Variants in TRIM9 observed in about 807,000 individuals in gnomAD.
The protein encoded by TRIM9 is E3 ubiquitin-protein ligase TRIM9.
A neutral mutation model predicts 78.3 loss-of-function variants in TRIM9; 26 were observed. The observed-to-expected ratio is 0.33, with a 90% CI of 0.24 to 0.46. The LOEUF (loss-of-function observed/expected upper bound fraction) is 0.46. TRIM9 is among the 20% of genes least tolerant of loss of function. TRIM9 has a pLI of 1.00. For missense variants in TRIM9, 787 were observed against 1,036.4 expected (o/e 0.76, Z 3.30); for synonymous variants, 398 against 416.5 (o/e 0.96, Z 0.54).
At chr14:50,982,689 A>G (rs754265334) in intron 10 of TRIM9, 10 of 492,268 alleles carry the variant, frequency 2.0e-5, no homozygotes, top group African/African-American at 9.6e-5. Flanking sequence ...TGCTGTCTGC[A>G]TAACTTAAAA....
At chr14:51,092,722 C>A (rs2064483561) in intron 1 of TRIM9, among the ~76,000 whole-genome samples, 1 of 152,154 alleles carries the variant, frequency 6.6e-6, no homozygotes, top group African/African-American at 2.4e-5. Flanking sequence ...GCAGTGTGGG[C>A]ATATTATAAG....
chr14:51,076,051 T>C (rs2062754705), intron 1 of TRIM9, among the ~76,000 whole-genome samples: 1 of 152,214 alleles, frequency 6.6e-6, no homozygotes, highest in Non-Finnish European at 1.5e-5. Flanking sequence ...ATAAAAGATA[T>C]TGTTATTAAA....
chr14:51,013,561 TAAAAAG>T (rs2056828757), intron 3 of TRIM9, among the ~76,000 whole-genome samples: 2 of 152,206 alleles, frequency 1.3e-5, no homozygotes, highest in African/African-American at 4.8e-5. Flanking sequence ...TAATAATAAT[TAAAAAG>T]GAAAATAAAA....
chr14:50,996,484 A>G (rs2054221979), intron 7 of TRIM9: 1 of 985,344 alleles, frequency 1.0e-6, no homozygotes, highest in Admixed American at 6.2e-5. Context: ...CCCATGATGT[A>G]TTATGAATAG....
intron 7 of TRIM9, chr14:50,995,931 C>T (rs775894901): frequency 4.7e-6 from 1 of 213,940 alleles, no homozygotes; most frequent in Non-Finnish European, 8.0e-6. Context: ...ATCCTATAGG[C>T]TTTGTCTATT....
At chr14:51,087,031 C>T (rs966219887) in intron 1 of TRIM9, among the ~76,000 whole-genome samples, 2 of 151,924 alleles carry the variant, frequency 1.3e-5, no homozygotes, top group African/African-American at 4.8e-5. Flanking sequence ...GGGGAGGTGG[C>T]GGGCACTGCT....
At position 51,094,568 on chromosome 14, in the gene TRIM9, G is replaced by A. The variant is rs2064754715; in HGVS notation, c.372C>T (p.Ser124=). The A allele has an allele frequency of 1.9e-6, 3 of 1,612,292 alleles. No homozygotes were observed. Among genetic ancestry groups the A allele is most frequent in the South Asian group, 2.2e-5 (2 of 90,990 alleles). The part of the protein sequence containing the change: ...SPALAPVPRN[S]CITCPQCHRS... Reference sequence around the variant, plus strand: ...GGTGACACTGGGGGCAGGTGATACAGGAGTTGCGGGGCACCGGGGCCAGGG... The same window carrying A: ...GGTGACACTGGGGGCAGGTGATACAAGAGTTGCGGGGCACCGGGGCCAGGG... Residue 124 remains serine (S), a synonymous_variant, in exon 1 of 13, where the codon TCC becomes TCT. Coordinates refer to ENST00000684578, the MANE Select transcript of TRIM9 (RefSeq NM_001387360.1).
chr14:51,062,603 G>T (rs1467856044), intron 1 of TRIM9, among the ~76,000 whole-genome samples: 1 of 152,160 alleles, frequency 6.6e-6, no homozygotes, highest in East Asian at 1.9e-4. Flanking sequence ...TGGTGGGGGA[G>T]GGATATCAAG....
intron 1 of TRIM9, among the ~76,000 whole-genome samples, chr14:51,031,925 G>A (rs2058762449): frequency 6.6e-6 from 1 of 152,156 alleles, no homozygotes; most frequent in Non-Finnish European, 1.5e-5. Context: ...TTTGTATTGT[G>A]AACCTGACTC....
intron 10 of TRIM9, among the ~76,000 whole-genome samples, chr14:50,982,529 G>C (rs1230964013): frequency 6.6e-6 from 1 of 152,180 alleles, no homozygotes; most frequent in African/African-American, 2.4e-5. Context: ...AACACATGGA[G>C]TGAAATCAGG....
intron 1 of TRIM9, 68 bp from the exon 2 acceptor site, chr14:51,025,428 C>G: frequency 5.5e-6 from 1 of 181,958 alleles, no homozygotes; most frequent in Non-Finnish European, 9.2e-6. Flanking sequence ...CAGCGAGACT[C>G]AAAACTGAAG....
intron 7 of TRIM9, among the ~76,000 whole-genome samples, chr14:50,995,752 A>G (rs752590563): frequency 6.6e-6 from 1 of 151,540 alleles, no homozygotes; most frequent in Non-Finnish European, 1.5e-5. Flanking sequence ...GCACCACCCC[A>G]CCACCCCCAA....
intron 1 of TRIM9, among the ~76,000 whole-genome samples, chr14:51,060,529 C>G (rs1048368961): frequency 5.9e-5 from 9 of 152,066 alleles, no homozygotes; most frequent in Non-Finnish European, 1.2e-4. Flanking sequence ...TGCAGTGGCA[C>G]GATCTCGGCT....
At chr14:51,059,830 C>CA (rs1324853199) in intron 1 of TRIM9, among the ~76,000 whole-genome samples, 2 of 149,622 alleles carry the variant, frequency 1.3e-5, no homozygotes, top group Non-Finnish European at 3.0e-5. Context: ...CACAAAAAAA[C>CA]AAAAAAACTA....
intron 1 of TRIM9, among the ~76,000 whole-genome samples, chr14:51,055,452 G>A (rs2060820663): frequency 6.6e-6 from 1 of 152,208 alleles, no homozygotes; most frequent in Non-Finnish European, 1.5e-5. Flanking sequence ...GTGGAATTAA[G>A]GTTGCTAACC....
rs146793750 is a variant in TRIM9 at position 50,995,067 on chromosome 14, G to A, written c.1603+2983C>T. Among the ~76,000 whole-genome samples, 188 of 152,024 alleles carry A rather than the reference G, an allele frequency of 1.2e-3. 1 individual carries two copies. The highest frequency in any genetic ancestry group is 4.3e-3 in the African/African-American group (179 of 41,454). ...GGGTCTCACTATGTTGCCCAGGCAG[G>A]ATTCAAACTCCTGGGCTCACAGGAT... is the stretch of plus-strand genomic sequence containing the variant. On this transcript the variant is annotated intron_variant, in intron 7 of 12. Transcript: ENST00000684578.
intron 5 of TRIM9, among the ~76,000 whole-genome samples, chr14:51,004,874 A>G (rs873913): frequency 0.2 from 30,413 of 152,036 alleles, 3,561 homozygotes; most frequent in African/African-American, 0.32. Flanking sequence ...TAATTCCCAA[A>G]GTTTCTTTCT....
chr14:51,081,523 G>A (rs111373633), intron 1 of TRIM9, among the ~76,000 whole-genome samples: 71 of 152,248 alleles, frequency 4.7e-4, no homozygotes, highest in African/African-American at 1.4e-3. Context: ...CCAATTTACC[G>A]ACATCCCTAG....
chr14:51,013,428 C>T (rs563422877), intron 3 of TRIM9, among the ~76,000 whole-genome samples: 3 of 152,164 alleles, frequency 2.0e-5, no homozygotes, highest in South Asian at 2.1e-4. Context: ...TGATTATTGT[C>T]GCTTTATAAT....
Sources: allele counts gnomAD v4.1 joint callset (sites outside exome capture counted in the v4.1 genomes callset), GRCh38; gene constraint gnomAD v4.1.1; transcripts MANE v1.5; gene names NCBI Gene and HGNC (gene_info 2026-07-23, HGNC 2026-07-21).